The following LYPLAL1 variants were observed in gnomAD, a reference collection of about 807,000 sequenced individuals.
LYPLAL1 encodes lysophospholipase like 1, also known as lysophospholipase-like protein 1.
A neutral mutation model predicts 19.7 loss-of-function variants in LYPLAL1; 23 were observed. The observed-to-expected ratio is 1.17, with a 90% CI of 0.84 to 1.65. The LOEUF (loss-of-function observed/expected upper bound fraction) is 1.65, where lower values mean the gene tolerates loss of function less well. Ranked by LOEUF, LYPLAL1 falls within the 40% of genes most tolerant of loss-of-function variation. The pLI is 0.00. For synonymous variants in LYPLAL1, 119 were observed against 96.3 expected, an observed-to-expected ratio of 1.24 and a Z score of -1.38; for missense variants, 355 against 279.4, an observed-to-expected ratio of 1.27 and a Z score of -1.93.
chr1:219,190,599 C>A (rs1572173153), intron 2 of LYPLAL1, among the ~76,000 whole-genome samples: 10 of 65,912 alleles, frequency 1.5e-4, no homozygotes, highest in East Asian at 1.4e-3. Flanking sequence ...GACATTATAT[C>A]AAATGTAGAG....
At chr1:219,196,934 A>G (rs1329729453) in intron 3 of LYPLAL1, among the ~76,000 whole-genome samples, 1 of 152,120 alleles carries the variant, frequency 6.6e-6, no homozygotes, top group East Asian at 1.9e-4. Context: ...TAGGAATACA[A>G]AGGACTTCCT....
At chr1:219,232,864 T>TAA in the LYPLAL1 span, among the ~76,000 whole-genome samples, 13,766 of 144,420 alleles carry the variant, frequency 0.095, 829 homozygotes, top group Non-Finnish European at 0.14. Context: ...GGCTACTATT[T>TAA]AAAAAAAAAA....
At chr1:219,292,630 G>A in the LYPLAL1 span, among the ~76,000 whole-genome samples, 3 of 152,128 alleles carry the variant, frequency 2.0e-5, no homozygotes, top group Non-Finnish European at 4.4e-5. Flanking sequence ...TAGTCTTGTA[G>A]CTACATCCAG....
chr1:219,351,386 A>T, the LYPLAL1 span, among the ~76,000 whole-genome samples: 1 of 152,064 alleles, frequency 6.6e-6, no homozygotes, highest in Non-Finnish European at 1.5e-5. Flanking sequence ...CAGAGAGAGA[A>T]AGGAATTAAG....
At chr1:219,372,438 A>G in the LYPLAL1 span, among the ~76,000 whole-genome samples, 1 of 152,146 alleles carries the variant, frequency 6.6e-6, no homozygotes, top group African/African-American at 2.4e-5. Context: ...AGTAATTGAG[A>G]TCTCGGCAAA....
the LYPLAL1 span, among the ~76,000 whole-genome samples, chr1:219,420,419 G>T: frequency 1.3e-5 from 2 of 152,116 alleles, no homozygotes; most frequent in East Asian, 3.8e-4. Context: ...AAAGATCATC[G>T]TTGTATTGCA....
At chr1:219,229,977 T>C in the LYPLAL1 span, among the ~76,000 whole-genome samples, 1 of 152,216 alleles carries the variant, frequency 6.6e-6, no homozygotes. Context: ...TAGGGCAATG[T>C]ATTATTAAGG....
At chr1:219,303,568 C>T in the LYPLAL1 span, among the ~76,000 whole-genome samples, 1 of 152,190 alleles carries the variant, frequency 6.6e-6, no homozygotes, top group African/African-American at 2.4e-5. Flanking sequence ...GATCATAGAA[C>T]ATGTGAGCTG....
rs1463331544 is a variant in LYPLAL1, at chr1:219,211,712, T to A, written c.698T>A (p.Met233Lys). 4.4e-6 allele frequency: 7 copies of A among 1,601,644 alleles called. No individual in the cohort carries two copies. In the Admixed American group the frequency reaches 5.2e-5, roughly 12 times the overall value. ...ATTCTTACAAAGCTGCCAGGAGAAA[T>A]GGAAAAACAAAAATGAATGAATCAA... is the stretch of plus-strand genomic sequence containing the variant. ...LWILTKLPGE[M>K]EKQK The change falls in exon 5 of 5, where the codon ATG becomes AAG. Residue 233 changes from methionine (M) to lysine (K), a missense_variant. Coordinates refer to ENST00000366928, the MANE Select transcript of LYPLAL1 (RefSeq NM_138794.5).
chr1:219,246,645 G>A, the LYPLAL1 span, among the ~76,000 whole-genome samples: 2 of 152,096 alleles, frequency 1.3e-5, no homozygotes, highest in Non-Finnish European at 2.9e-5. Context: ...CAAGTGCAGT[G>A]GCACAATTAT....
the LYPLAL1 span, among the ~76,000 whole-genome samples, chr1:219,322,975 C>G: frequency 1.3e-5 from 2 of 152,122 alleles, no homozygotes; most frequent in Non-Finnish European, 2.9e-5. Context: ...AATTGGCTTC[C>G]TGGTGTGAAA....
chr1:219,298,398 TG>T, the LYPLAL1 span, among the ~76,000 whole-genome samples: 1 of 152,258 alleles, frequency 6.6e-6, no homozygotes, highest in Non-Finnish European at 1.5e-5. Flanking sequence ...AAATGTGTTA[TG>T]CATATGAAAA....
the LYPLAL1 span, among the ~76,000 whole-genome samples, chr1:219,355,497 C>T: frequency 6.6e-6 from 1 of 152,038 alleles, no homozygotes; most frequent in Non-Finnish European, 1.5e-5. Flanking sequence ...CAAAGATTGT[C>T]ATTCTGTATC....
chr1:219,223,520 A>G, the LYPLAL1 span, among the ~76,000 whole-genome samples: 1 of 152,026 alleles, frequency 6.6e-6, no homozygotes, highest in East Asian at 1.9e-4. Context: ...TTTTTGTGCT[A>G]TCCTCTCATT....
intron 3 of LYPLAL1, 74 bp from the exon 4 acceptor site, chr1:219,210,458 T>G: frequency 9.7e-7 from 1 of 1,033,668 alleles, no homozygotes; most frequent in African/African-American, 1.6e-5. Context: ...TTTAAAAATA[T>G]GGAAAATTGT....
At chr1:219,389,717 A>G in the LYPLAL1 span, among the ~76,000 whole-genome samples, 1 of 152,198 alleles carries the variant, frequency 6.6e-6, no homozygotes, top group South Asian at 2.1e-4. Flanking sequence ...TTTGCCATCC[A>G]TAGTCTCTCT....
chr1:219,196,777 A>G (rs1657638792), intron 3 of LYPLAL1, among the ~76,000 whole-genome samples: 1 of 152,200 alleles, frequency 6.6e-6, no homozygotes, highest in Non-Finnish European at 1.5e-5. Flanking sequence ...AAGCTTCTTA[A>G]GTGGATAAGC....
At chr1:219,357,892 T>C in the LYPLAL1 span, among the ~76,000 whole-genome samples, 1 of 152,184 alleles carries the variant, frequency 6.6e-6, no homozygotes, top group East Asian at 1.9e-4. Context: ...AAGACATGGA[T>C]AGATCTTAAA....
At chr1:219,230,401 G>A in the LYPLAL1 span, among the ~76,000 whole-genome samples, 4 of 150,836 alleles carry the variant, frequency 2.7e-5, no homozygotes, top group South Asian at 8.3e-4. Flanking sequence ...GTGAGCCACC[G>A]CACCCGGCCG....
Sources: allele counts gnomAD v4.1 joint callset (sites outside exome capture counted in the v4.1 genomes callset), GRCh38; gene constraint gnomAD v4.1.1; transcripts MANE v1.5; gene names NCBI Gene and HGNC (gene_info 2026-07-23, HGNC 2026-07-21).